The following RNF150 variants were observed in gnomAD, a reference collection of about 807,000 sequenced individuals.
RNF150 encodes the protein ring finger protein 150.
A neutral mutation model predicts 39.3 loss-of-function variants in RNF150; 24 were observed. That is an observed-to-expected ratio of 0.61 (90% CI 0.44 to 0.86). RNF150 has a LOEUF of 0.86. Ranked by LOEUF, RNF150 falls within the 40% of genes least tolerant of loss-of-function variation. The pLI, the probability that RNF150 is intolerant of heterozygous loss-of-function variation, is 0.00. For synonymous variants in RNF150, 255 were observed against 227.3 expected, an observed-to-expected ratio of 1.12 and a Z score of -1.10; for missense variants, 502 against 587.8, an observed-to-expected ratio of 0.85 and a Z score of 1.51.
chr4:141,080,222 A>G (rs1738097409), intron 1 of RNF150, among the ~76,000 whole-genome samples: 1 of 152,242 alleles, frequency 6.6e-6, no homozygotes, highest in Non-Finnish European at 1.5e-5. Context: ...ATAATCATTC[A>G]CAAAATCCCA....
intron 1 of RNF150, among the ~76,000 whole-genome samples, chr4:141,078,789 C>CAAAAAAAAAA (rs150748282): frequency 1.9e-4 from 12 of 63,856 alleles, no homozygotes; most frequent in Non-Finnish European, 2.3e-4. Flanking sequence ...AACTCCGTCT[C>CAAAAAAAAAA]AAAAAAAAAA....
intron 5 of RNF150, among the ~76,000 whole-genome samples, chr4:140,918,453 G>C (rs890075166): frequency 9.2e-5 from 14 of 152,232 alleles, no homozygotes; most frequent in Admixed American, 9.2e-4. Context: ...ATAAATTCCT[G>C]GACACATACA....
At chr4:141,006,437 T>C (rs1013045387) in intron 1 of RNF150, among the ~76,000 whole-genome samples, 1 of 152,156 alleles carries the variant, frequency 6.6e-6, no homozygotes, top group Non-Finnish European at 1.5e-5. Context: ...ACAAGATCCC[T>C]GGGAAAGTGA....
intron 1 of RNF150, among the ~76,000 whole-genome samples, chr4:140,994,798 G>A (rs564123354): frequency 1.3e-5 from 2 of 152,242 alleles, no homozygotes; most frequent in South Asian, 4.2e-4. Flanking sequence ...GGACCATCTG[G>A]ATAGAAGTTT....
At chr4:140,878,246 ACTC>A (rs1729243621) in intron 6 of RNF150, among the ~76,000 whole-genome samples, 4 of 476 alleles carry the variant, frequency 8.4e-3, no homozygotes, top group African/African-American at 0.025. Flanking sequence ...GGCTTACCTC[ACTC>A]AACCTTTGCC....
chr4:140,947,821 G>A, intron 3 of RNF150, 85 bp from the exon 4 acceptor site: 1 of 887,150 alleles, frequency 1.1e-6, no homozygotes, highest in Non-Finnish European at 1.7e-6. Flanking sequence ...AGGAGAGCTT[G>A]CCTGGAGCAA....
chr4:140,879,126 T>C (rs1729281187), intron 6 of RNF150, among the ~76,000 whole-genome samples: 1 of 152,216 alleles, frequency 6.6e-6, no homozygotes, highest in Admixed American at 6.5e-5. Context: ...CAGTACCATA[T>C]TGTTTTGATT....
At chr4:140,923,835 G>A (rs1308091570) in intron 5 of RNF150, among the ~76,000 whole-genome samples, 3 of 152,072 alleles carry the variant, frequency 2.0e-5, no homozygotes, top group Non-Finnish European at 2.9e-5. Context: ...CATGGATGAA[G>A]CTAGAAACCA....
At chr4:140,932,104 TAGTGA>T (rs1731668678) in intron 4 of RNF150, among the ~76,000 whole-genome samples, 1 of 152,152 alleles carries the variant, frequency 6.6e-6, no homozygotes, top group African/African-American at 2.4e-5. Flanking sequence ...TCATTCTCCT[TAGTGA>T]AGTGGTTATT....
At chr4:140,897,512 G>GA (rs1464119258) in intron 6 of RNF150, among the ~76,000 whole-genome samples, 1 of 152,172 alleles carries the variant, frequency 6.6e-6, no homozygotes, top group Non-Finnish European at 1.5e-5. Flanking sequence ...ACTGGTTTGA[G>GA]AAACTGGAGA....
At chr4:141,201,577 T>C (rs146404969) in intron 1 of RNF150, among the ~76,000 whole-genome samples, 299 of 152,152 alleles carry the variant, frequency 2.0e-3, no homozygotes, top group African/African-American at 6.7e-3. Flanking sequence ...TCTCTGGATG[T>C]GCCACCTCCT....
At chr4:140,876,767 G>C (rs1232135462) in intron 6 of RNF150, among the ~76,000 whole-genome samples, 1 of 152,212 alleles carries the variant, frequency 6.6e-6, no homozygotes, top group Non-Finnish European at 1.5e-5. Context: ...AGCTACTAGA[G>C]TTCTATTTGG....
intron 1 of RNF150, among the ~76,000 whole-genome samples, chr4:141,197,873 G>C (rs1236867104): frequency 6.6e-6 from 1 of 150,510 alleles, no homozygotes; most frequent in Non-Finnish European, 1.5e-5. Flanking sequence ...GCAAGATTCT[G>C]TCTCAAAAAA....
intron 1 of RNF150, among the ~76,000 whole-genome samples, chr4:141,180,844 G>C (rs1439190416): frequency 1.3e-5 from 2 of 151,956 alleles, no homozygotes; most frequent in Admixed American, 6.6e-5. Flanking sequence ...CCTTTCTCAG[G>C]TACTGCAATT....
intron 1 of RNF150, among the ~76,000 whole-genome samples, chr4:141,177,591 G>A (rs930050879): frequency 1.3e-5 from 2 of 152,100 alleles, no homozygotes; most frequent in Admixed American, 6.6e-5. Context: ...TTCCTAGGAA[G>A]AGAATTTTTC....
intron 1 of RNF150, among the ~76,000 whole-genome samples, chr4:141,116,087 G>T (rs1024937833): frequency 2.6e-5 from 4 of 152,168 alleles, no homozygotes; most frequent in African/African-American, 9.7e-5. Flanking sequence ...CATGGGCAAA[G>T]ACTTCATGAC....
chr4:141,068,490 T>C (rs995029876), intron 1 of RNF150, among the ~76,000 whole-genome samples: 3 of 152,092 alleles, frequency 2.0e-5, no homozygotes, highest in African/African-American at 7.2e-5. Context: ...AGTCAGGTAG[T>C]GTGATGCCTC....
chr4:141,195,466 C>T (rs1252491792), intron 1 of RNF150, among the ~76,000 whole-genome samples: 2 of 152,240 alleles, frequency 1.3e-5, no homozygotes, highest in East Asian at 1.9e-4. Flanking sequence ...TCTCCCTCTT[C>T]CTCCTTTCCC....
intron 5 of RNF150, among the ~76,000 whole-genome samples, chr4:140,925,555 G>C (rs1016511038): frequency 1.3e-5 from 2 of 152,100 alleles, no homozygotes; most frequent in African/African-American, 4.8e-5. Context: ...GGAGGTGCTC[G>C]CTCCCTCTGA....
Sources: allele counts gnomAD v4.1 joint callset (sites outside exome capture counted in the v4.1 genomes callset), GRCh38; gene constraint gnomAD v4.1.1; transcripts MANE v1.5; gene names NCBI Gene and HGNC (gene_info 2026-07-23, HGNC 2026-07-21).